Variants in ECM1 observed in about 807,000 individuals in gnomAD.
ECM1 encodes the protein extracellular matrix protein 1, also known as secretory component p85.
ECM1 carries 54 observed loss-of-function variants against 57.9 expected under a neutral mutation model. That is an observed-to-expected ratio of 0.93 (90% CI 0.75 to 1.17). The LOEUF is 1.17. Ranked by LOEUF, ECM1 falls within the 50% of genes most tolerant of loss-of-function variation. The pLI, the probability that ECM1 is intolerant of heterozygous loss-of-function variation, is 0.00. For missense variants in ECM1, 649 were observed against 688.1 expected (o/e 0.94, Z 0.64); for synonymous variants, 237 against 259.1 (o/e 0.91, Z 0.82).
rs774914260 is a variant in ECM1 at position 150,512,323 on chromosome 1, C to G, written c.1084-29C>G. On this transcript the variant is annotated intron_variant, in intron 7 of 9. Coordinates refer to ENST00000369047, the MANE Select transcript of ECM1 (RefSeq NM_004425.4). ...AGGAGAGAAGGGGCCAAGTGTCCAGCTTCTGACTTCCCTCTCTCTGGTCCA... is the reference window on the plus strand; with the variant it reads ...AGGAGAGAAGGGGCCAAGTGTCCAGGTTCTGACTTCCCTCTCTCTGGTCCA... 1.9e-6 allele frequency: 3 copies of G among 1,609,882 alleles called. No homozygotes were observed. The Admixed American group carries it at 5.0e-5, about 27-fold the overall frequency.
chr1:150,510,204 T>C, intron 5 of ECM1, 22 bp downstream of exon 5: 1 of 1,605,814 alleles, frequency 6.2e-7, no homozygotes, highest in Non-Finnish European at 8.5e-7. Context: ...CCTCTCTTCT[T>C]TACCCACCTT....
intron 5 of ECM1, chr1:150,510,480 C>T (rs921744966): frequency 6.5e-5 from 37 of 568,238 alleles, no homozygotes; most frequent in Non-Finnish European, 9.7e-5. Context: ...GCCATCCCAA[C>T]ATGGCTTTTG....
chr1:150,509,509 G>T (rs868028991), intron 1 of ECM1, 22 bp from the exon 2 acceptor site: 1 of 1,614,084 alleles, frequency 6.2e-7, no homozygotes, highest in Non-Finnish European at 8.5e-7. Context: ...AGTGGCCCCT[G>T]ACTTGCCCTT....
intron 6 of ECM1, 91 bp from the exon 7 acceptor site, chr1:150,511,363 TCTC>T: frequency 4.4e-6 from 7 of 1,608,654 alleles, no homozygotes; most frequent in African/African-American, 1.3e-5. Flanking sequence ...ACAACCACTG[TCTC>T]TTCTTTATCT....
In ECM1 at chr1:150,509,777, C is replaced by T. The variant is rs765423487; in HGVS notation, c.223+15C>T. On this transcript the variant is annotated intron_variant, in intron 3 of 9. Transcript: ENST00000369047. ...ACAGAGTCAAGGTAAGGTCACCATC[C>T]CATGCCCTCCTCAGTGACCCTCCAG... 3.7e-6 allele frequency: 6 copies of T among 1,613,340 alleles called. No homozygotes were observed. The African/African-American group carries it at 8.0e-5, about 22-fold the overall frequency.
chr1:150,512,283 G>A (rs866252114), intron 7 of ECM1, 69 bp from the exon 8 acceptor site: 1 of 1,553,660 alleles, frequency 6.4e-7, no homozygotes. Context: ...GGGACGATAA[G>A]GGAAGTCGAT....
At chr1:150,509,420 C>G in intron 1 of ECM1, 111 bp from the exon 2 acceptor site, 3 of 1,178,204 alleles carry the variant, frequency 2.5e-6, no homozygotes, top group Non-Finnish European at 2.5e-6. Context: ...AGGGGCATCT[C>G]GTGTCTTGCT....
At chr1:150,512,225 C>A in intron 7 of ECM1, 127 bp from the exon 8 acceptor site, 1 of 1,061,214 alleles carries the variant, frequency 9.4e-7, no homozygotes, top group Non-Finnish European at 1.4e-6. Context: ...TACTTTTTTG[C>A]CATTCCCTTT....
chr1:150,510,802 C>G (rs587648784), intron 5 of ECM1, 74 bp from the exon 6 acceptor site: 81 of 1,500,806 alleles, frequency 5.4e-5, no homozygotes, highest in Admixed American at 6.7e-5. Context: ...CAGATTCTTT[C>G]AATCCTCCCA....
In ECM1 at chr1:150,510,326, T is replaced by C. The variant is rs587718739; in HGVS notation, c.385+144T>C. 1.3e-5 allele frequency: 10 copies of C among 765,346 alleles called. No individual in the cohort carries two copies. The Admixed American group carries it at 1.4e-4, about 11-fold the overall frequency. The allele number at this position is 765,346 out of a possible 1,614,324, so 47.4% of individuals were successfully genotyped here. The stretch of plus-strand genomic sequence containing the variant: ...AGTTACATACTTCTCCAAGCCTTTG[T>C]TTCTTCATCTGTAAAATTGAGGATA... On this transcript the variant is annotated intron_variant, in intron 5 of 9. Coordinates refer to ENST00000369047, the MANE Select transcript of ECM1 (RefSeq NM_004425.4).
intron 1 of ECM1, among the ~76,000 whole-genome samples, chr1:150,508,827 C>A (rs1670349471): frequency 6.6e-6 from 1 of 152,106 alleles, no homozygotes; most frequent in African/African-American, 2.4e-5. Context: ...AGGAAAAAAA[C>A]CACCCAGGGC....
Position 150,511,487 on chromosome 1 carries a change from G to T in ECM1, c.739G>T (p.Ala247Ser). ...WEEAMSRFCEAEFSVKTRPHW... is the reference protein window; with the variant it reads ...WEEAMSRFCESEFSVKTRPHW... ...GGAAGCAATGAGCCGATTCTGTGAGGCCGAGTTCTCGGTCAAGACCCGACC... is the reference window on the plus strand; with the variant it reads ...GGAAGCAATGAGCCGATTCTGTGAGTCCGAGTTCTCGGTCAAGACCCGACC... Residue 247 changes from alanine (A) to serine (S), a missense_variant, in exon 7 of 10, where the codon GCC becomes TCC. Ala to Ser is a moderately conservative substitution (Grantham distance 99). Transcript: ENST00000369047. 1.2e-6 allele frequency: 2 copies of T among 1,614,124 alleles called. No individual in the cohort carries two copies. The highest frequency in any genetic ancestry group is 1.7e-6 in the Non-Finnish European group (2 of 1,179,994).
In ECM1 at chr1:150,511,084, C is replaced by T. The variant is rs1170440504; in HGVS notation, c.594C>T (p.Ser198=). 1.9e-6 allele frequency: 3 copies of T among 1,614,218 alleles called. No homozygotes were observed. Among genetic ancestry groups the T allele is most frequent in the South Asian group, 2.2e-5 (2 of 91,088 alleles). ...VVYGPWNLPQ[S]SYSHLTRQGE... is the part of the protein sequence containing the mutation. Reference sequence around the variant, plus strand: ...ATGGTCCCTGGAACCTACCACAGTCCAGCTACTCCCACCTCACTCGCCAGG... The same window carrying T: ...ATGGTCCCTGGAACCTACCACAGTCTAGCTACTCCCACCTCACTCGCCAGG... Residue 198 remains serine (S), a synonymous_variant, in exon 6 of 10, where the codon TCC becomes TCT. Transcript: ENST00000369047.
rs587679439 is a variant in ECM1 at position 150,509,276 on chromosome 1, C to A, written c.71-255C>A. 1.7e-5 allele frequency: 10 copies of A among 579,898 alleles called. No homozygotes were observed. In the East Asian group the frequency reaches 3.0e-4, roughly 17 times the overall value. 35.9% of individuals were successfully genotyped at this position (579,898 alleles called of 1,614,324 possible). On this transcript the variant is annotated intron_variant, in intron 1 of 9. Coordinates refer to ENST00000369047, the MANE Select transcript of ECM1 (RefSeq NM_004425.4). Reference sequence around the variant, plus strand: ...CTCCCCAATCCCGTATGCCATACTCCCTTTAGGCCCAACCTCTGAGCCAGT... The same window carrying A: ...CTCCCCAATCCCGTATGCCATACTCACTTTAGGCCCAACCTCTGAGCCAGT...
chr1:150,508,670 C>A (rs1385779832), intron 1 of ECM1, among the ~76,000 whole-genome samples: 1 of 152,094 alleles, frequency 6.6e-6, no homozygotes, highest in East Asian at 1.9e-4. Context: ...CGACTGACTC[C>A]CTGTCTGATT....
At position 150,512,444 on chromosome 1, in the gene ECM1, G is replaced by A. The variant is rs1670469390; in HGVS notation, c.1176G>A (p.Arg392=). The change falls in exon 8 of 10, where the codon CGG becomes CGA. Residue 392 remains arginine, a synonymous_variant. Coordinates refer to ENST00000369047, the MANE Select transcript of ECM1 (RefSeq NM_004425.4). The stretch of plus-strand genomic sequence containing the variant: ...GCCGCCACCCTCCCAGCCCTACTCG[G>A]GATGAGTGCTTTGCCCGTCGGGCTC... ...LCCRHPPSPT[R]DECFARRAPY... The A allele has an allele frequency of 1.9e-6, 3 of 1,613,374 alleles. No homozygotes were observed. Among genetic ancestry groups the A allele is most frequent in the African/African-American group, 1.3e-5 (1 of 74,632 alleles).
chr1:150,512,404 A>G lies in ECM1; in HGVS notation c.1136A>G (p.His379Arg). 6.2e-7 allele frequency: 1 copy of G among 1,612,786 alleles called. No individual in the cohort carries two copies. Among genetic ancestry groups the G allele is most frequent in the South Asian group, 1.1e-5 (1 of 90,946 alleles). Residue 379 changes from histidine (H) to arginine (R), a missense_variant, in exon 8 of 10, where the codon CAC becomes CGC. His to Arg is a conservative substitution (Grantham distance 29). Transcript: ENST00000369047. ...YCDREYAVKT[H>R]HHLCCRHPPS... The stretch of plus-strand genomic sequence containing the variant: ...GACCGGGAGTATGCTGTGAAGACCC[A>G]CCACCACTTGTGTTGCCGCCACCCT...
At position 150,511,839 on chromosome 1, in the gene ECM1, G is replaced by T. The variant is rs1461458411; in HGVS notation, c.1083+8G>T. 6.3e-7 allele frequency: 1 copy of T among 1,595,058 alleles called. No homozygotes were observed. Among genetic ancestry groups the T allele is most frequent in the Non-Finnish European group, 8.6e-7 (1 of 1,169,260 alleles). The stretch of plus-strand genomic sequence containing the variant: ...ACCTGTACATGGAAGGCCGTAAGTG[G>T]GCGTCCCAGCCTCCCTGAGAGCCTG... On this transcript the variant is annotated splice_region_variant and intron_variant, in intron 7 of 9. Coordinates refer to ENST00000369047, the MANE Select transcript of ECM1 (RefSeq NM_004425.4).
chr1:150,509,379 G>C, intron 1 of ECM1, 152 bp from the exon 2 acceptor site: 6 of 799,962 alleles, frequency 7.5e-6, no homozygotes, highest in South Asian at 1.5e-5. Context: ...GGCTGGGAGA[G>C]GATTAGGGGA....
Sources: allele counts gnomAD v4.1 joint callset (sites outside exome capture counted in the v4.1 genomes callset), GRCh38; gene constraint gnomAD v4.1.1; transcripts MANE v1.5; gene names NCBI Gene and HGNC (gene_info 2026-07-23, HGNC 2026-07-21).